The following PSG9 variants were observed in gnomAD, a reference collection of about 807,000 sequenced individuals.
PSG9 encodes the protein pregnancy-specific beta-1-glycoprotein 9.
A neutral mutation model predicts 41.9 loss-of-function variants in PSG9; 49 were observed. The ratio of observed to expected loss-of-function variants is 1.17; its 90% CI spans 0.93 to 1.48. PSG9 has a LOEUF of 1.48. Among genes scored for constraint, PSG9 ranks in the 40% most tolerant of loss-of-function variants. The pLI, the probability that PSG9 is intolerant of heterozygous loss-of-function variation, is 0.00. For synonymous variants in PSG9, 263 were observed against 196.8 expected, an observed-to-expected ratio of 1.34 and a Z score of -2.82; for missense variants, 641 against 520.3, an observed-to-expected ratio of 1.23 and a Z score of -2.26.
At chr19:43,264,537 A>T (rs188714073) in intron 2 of PSG9, among the ~76,000 whole-genome samples, 25 of 151,968 alleles carry the variant, frequency 1.6e-4, no homozygotes, top group African/African-American at 5.6e-4. Flanking sequence ...AGCTCACTGC[A>T]AGCTCCGCCT....
Position 43,261,183 on chromosome 19 carries a change from C to T in PSG9, c.709+677G>A, listed in dbSNP as rs1174578919. Among the ~76,000 whole-genome samples the T allele has an allele frequency of 1.3e-5, 2 of 152,094 alleles. 1 individual carries two copies. Among genetic ancestry groups the T allele is most frequent in the Non-Finnish European group, 2.9e-5 (2 of 68,022 alleles). ...ATAGACTTCACTGGAAAACATAGTG[C>T]CAGTGCTCCAGGGACCCACTTACCA... On this transcript the variant is annotated intron_variant, in intron 3 of 5. Transcript: ENST00000270077.
In PSG9 at chr19:43,269,480, C is replaced by G; in HGVS notation, c.-49G>C. On this transcript the variant is annotated 5_prime_UTR_variant, in exon 1 of 6. Transcript: ENST00000270077. ...CCTCTGTGGAGATGAGCCTGGGATC[C>G]AGAAGCTGTCTGAGCACGGCTGTCA... is the stretch of plus-strand genomic sequence containing the variant. 2 of 1,608,686 alleles carry G rather than the reference C, an allele frequency of 1.2e-6. No individual in the cohort carries two copies. Among genetic ancestry groups the G allele is most frequent in the East Asian group, 4.5e-5 (2 of 44,690 alleles).
intron 5 of PSG9, chr19:43,257,545 T>A (rs10420990): frequency 0.34 from 330,831 of 976,102 alleles, 70,632 homozygotes; most frequent in East Asian, 0.88. Context: ...CTCAGGAGTC[T>A]GCCCTGAGGC....
At chr19:43,265,311 A>C (rs894324527) in intron 2 of PSG9, among the ~76,000 whole-genome samples, 8 of 152,144 alleles carry the variant, frequency 5.3e-5, no homozygotes. Flanking sequence ...ATTTGGCAAG[A>C]GTTTACAAAA....
chr19:43,259,636 G>A, intron 3 of PSG9: 2 of 160,048 alleles, frequency 1.2e-5, no homozygotes, highest in Non-Finnish European at 1.3e-5. Flanking sequence ...CCTGGCCTGG[G>A]ACTGGATGTT....
intron 3 of PSG9, chr19:43,260,270 G>A (rs1175384738): frequency 2.0e-5 from 3 of 147,224 alleles, no homozygotes; most frequent in Non-Finnish European, 3.0e-5. Context: ...AGAGCTTGAT[G>A]CCTATAGTTC....
At position 43,255,351 on chromosome 19, in the gene PSG9, A is replaced by C. The variant is rs1039755587; in HGVS notation, c.1244-1705T>G. Among the ~76,000 whole-genome samples, 9 of 146,364 alleles carry C rather than the reference A, an allele frequency of 6.1e-5. 2 individuals are homozygous for C. Among genetic ancestry groups the C allele is most frequent in the African/African-American group, 2.3e-4 (9 of 38,480 alleles). ...ATAATGAAAACATCCTAAGAATGGA[A>C]GGAAACCACCTCAACATAAAGGCAA... On this transcript the variant is annotated intron_variant, in intron 5 of 5. Transcript: ENST00000270077.
intron 3 of PSG9, among the ~76,000 whole-genome samples, chr19:43,261,492 A>G (rs1434089205): frequency 6.6e-6 from 1 of 152,100 alleles, no homozygotes; most frequent in East Asian, 1.9e-4. Flanking sequence ...CACAAGCGAT[A>G]TTGTCAGAGG....
chr19:43,256,342 G>A (rs1280763563), intron 5 of PSG9, among the ~76,000 whole-genome samples: 5 of 146,254 alleles, frequency 3.4e-5, no homozygotes, highest in African/African-American at 7.8e-5. Flanking sequence ...TGGATAAATC[G>A]GACTTCACAA....
chr19:43,258,562 A>G lies in PSG9; in HGVS notation c.989-106T>C. The G allele has an allele frequency of 9.8e-6, 14 of 1,427,990 alleles. No individual in the cohort carries two copies. The South Asian group carries it at 2.2e-4, about 22-fold the overall frequency. The allele number at this position is 1,427,990 out of a possible 1,614,324, so 88.5% of individuals were successfully genotyped here. A position where few individuals can be genotyped will look rare whatever the true frequency, so the allele number is the denominator to read the frequency against. ...CCCTCTGAGCCAAGACACACCCTCAAGTCCCAGCCAAAGTCCCTCTATGTT... is the reference window on the plus strand; with the variant it reads ...CCCTCTGAGCCAAGACACACCCTCAGGTCCCAGCCAAAGTCCCTCTATGTT... On this transcript the variant is annotated intron_variant, in intron 4 of 5. Transcript: ENST00000270077.
At chr19:43,266,493 T>C (rs1968973611) in intron 2 of PSG9, among the ~76,000 whole-genome samples, 1 of 151,914 alleles carries the variant, frequency 6.6e-6, no homozygotes, top group Admixed American at 6.6e-5. Context: ...GAAAACAAGG[T>C]CCTCTCCTTG....
rs143178634 is a variant in PSG9 at position 43,268,591 on chromosome 19, C to G, written c.65-442G>C. Among the ~76,000 whole-genome samples the G allele has an allele frequency of 1.4e-3, 220 of 152,042 alleles. 4 individuals are homozygous for G. In the East Asian group the frequency reaches 0.027, roughly 19 times the overall value. ...TGTCAACACCTGATCTCACATTCTACATCTCTTCGCATGTCTGTCTTCCTC... is the reference window on the plus strand; with the variant it reads ...TGTCAACACCTGATCTCACATTCTAGATCTCTTCGCATGTCTGTCTTCCTC... On this transcript the variant is annotated intron_variant, in intron 1 of 5. Transcript: ENST00000270077.
At chr19:43,261,102 T>A (rs1445870259) in intron 3 of PSG9, among the ~76,000 whole-genome samples, 3 of 151,694 alleles carry the variant, frequency 2.0e-5, no homozygotes, top group Non-Finnish European at 2.9e-5. Context: ...CTATCCAGGG[T>A]TTTTTATTTT....
intron 2 of PSG9, among the ~76,000 whole-genome samples, chr19:43,263,329 T>G (rs1568417284): frequency 6.6e-6 from 1 of 152,118 alleles, no homozygotes; most frequent in Non-Finnish European, 1.5e-5. Flanking sequence ...TAAAACAAAG[T>G]GTTTTGGATT....
intron 1 of PSG9, among the ~76,000 whole-genome samples, chr19:43,268,494 C>T (rs1382940627): frequency 2.0e-5 from 3 of 152,154 alleles, no homozygotes; most frequent in South Asian, 2.1e-4. Context: ...AGACTTCTTT[C>T]CTGACACCTC....
rs753383711 is a variant in PSG9, at chr19:43,267,958, C to A, written c.256G>T (p.Gly86Cys). The change falls in exon 2 of 6, where the codon GGT becomes TGT. Residue 86 changes from glycine to cysteine, a missense_variant. By Grantham distance (159) the Gly-to-Cys change is radical. Transcript: ENST00000270077. ...YHYIISYIVD[G>C]KIIIYGPAYS... ...GCAGGCCCATATATAATTATTTTAC[C>A]ATCAACTATATACGATATAATGTAA... 6.2e-7 allele frequency: 1 copy of A among 1,613,362 alleles called. No individual in the cohort carries two copies. Among genetic ancestry groups the A allele is most frequent in the Non-Finnish European group, 8.5e-7 (1 of 1,179,650 alleles).
rs1135861 is a variant in PSG9 at position 43,253,343 on chromosome 19, A to C, written c.*266T>G. 1.3e-5 allele frequency: 4 copies of C among 309,296 alleles called. 1 individual carries two copies. The highest frequency in any genetic ancestry group is 9.5e-5 in the African/African-American group (4 of 42,228). The allele number at this position is 309,296 out of a possible 1,614,324, so 19.2% of individuals were successfully genotyped here. A position where few individuals can be genotyped will look rare whatever the true frequency, so the allele number is the denominator to read the frequency against. On this transcript the variant is annotated 3_prime_UTR_variant, in exon 6 of 6. Transcript: ENST00000270077. ...CCTATGAATACTCATGAATAGTTTC[A>C]CAATTCTGGGGCATTCAGATAGACA... is the stretch of plus-strand genomic sequence containing the variant.
At chr19:43,259,525 CCT>C (rs1568413572) in intron 3 of PSG9, 3 of 242,150 alleles carry the variant, frequency 1.2e-5, no homozygotes, top group South Asian at 1.8e-4. Context: ...ACTTTGCCCC[CCT>C]ATATGTGATT....
At chr19:43,256,455 A>G (rs1968447583) in intron 5 of PSG9, among the ~76,000 whole-genome samples, 1 of 147,054 alleles carries the variant, frequency 6.8e-6, no homozygotes, top group African/African-American at 2.6e-5. Flanking sequence ...TAAGAAATTC[A>G]TTTCCAGAAT....
Sources: gnomAD v4.1 joint callset for allele counts (sites outside exome capture counted in the v4.1 genomes callset) on GRCh38, gnomAD v4.1.1 for gene constraint, MANE v1.5 for transcripts, NCBI Gene and HGNC (gene_info 2026-07-23, HGNC 2026-07-21) for gene names.